DGKG: variants seen among roughly 807,000 people sequenced by gnomAD.
DGKG encodes DAG kinase gamma.
DGKG carries 78 observed loss-of-function variants against 105.3 expected under a neutral mutation model. The ratio of observed to expected loss-of-function variants is 0.74; its 90% confidence interval spans 0.62 to 0.89. DGKG has a LOEUF of 0.89. Ranked by LOEUF, DGKG falls within the 40% of genes least tolerant of loss-of-function variation. The pLI is 0.00. For missense variants in DGKG, 958 were observed against 1,020.1 expected (o/e 0.94, Z 0.83); for synonymous variants, 346 against 367.1 (o/e 0.94, Z 0.66).
rs546929373 is a variant in DGKG, at chr3:186,193,556, C to T, written c.1918-5177G>A. On this transcript the variant is annotated intron_variant, in intron 21 of 24. Transcript: ENST00000265022. Reference sequence around the variant, plus strand: ...CCAGGCTGGTAAGAGCCTTGGCAAGCGCACGCCTGCGTGCCCATTCTCCAG... The same window carrying T: ...CCAGGCTGGTAAGAGCCTTGGCAAGTGCACGCCTGCGTGCCCATTCTCCAG... Among the ~76,000 whole-genome samples, 7 of 152,366 alleles carry T rather than the reference C, an allele frequency of 4.6e-5. No individual in the cohort carries two copies. In the Middle Eastern group the frequency reaches 0.01, roughly 222 times the overall value.
intron 6 of DGKG, among the ~76,000 whole-genome samples, chr3:186,287,218 A>G (rs1723112293): frequency 1.3e-5 from 2 of 152,170 alleles, no homozygotes; most frequent in Non-Finnish European, 2.9e-5. Context: ...AATACTGACT[A>G]TTTGATAATA....
chr3:186,356,210 C>G (rs1025652762), intron 1 of DGKG, among the ~76,000 whole-genome samples: 1 of 152,112 alleles, frequency 6.6e-6, no homozygotes, highest in African/African-American at 2.4e-5. Context: ...CTCAGAATCC[C>G]ATAGTGTTCA....
rs200147504 is a variant in DGKG at position 186,265,262 on chromosome 3, G to A, written c.1254C>T (p.Gly418=). The A allele has an allele frequency of 3.3e-5, 54 of 1,614,214 alleles. No homozygotes were observed. The highest frequency in any genetic ancestry group is 5.0e-5 in the Admixed American group (3 of 60,034). The part of the protein sequence containing the change: ...EKSDGCVSAK[G]ELVMQYKIIP... ...CATGAGGTACCTGCATGACAAGTTC[G>A]CCCTTGGCGGACACGCAGCCATCAG... The change falls in exon 14 of 25, where the codon GGC becomes GGT. Residue 418 remains glycine (G), a synonymous_variant. Transcript: ENST00000265022.
chr3:186,292,744 G>A (rs1368762114), intron 5 of DGKG, among the ~76,000 whole-genome samples: 1 of 151,964 alleles, frequency 6.6e-6, no homozygotes, highest in Non-Finnish European at 1.5e-5. Flanking sequence ...GGAGGCAGAG[G>A]TTGCAGTGAA....
chr3:186,259,114 C>T (rs976010861), intron 16 of DGKG, among the ~76,000 whole-genome samples: 6 of 148,458 alleles, frequency 4.0e-5, no homozygotes, highest in East Asian at 1.9e-4. Context: ...CGGGACTCTC[C>T]GACGGGAAGT....
At chr3:186,193,752 C>T (rs1003454439) in intron 21 of DGKG, among the ~76,000 whole-genome samples, 35 of 152,252 alleles carry the variant, frequency 2.3e-4, no homozygotes, top group African/African-American at 8.4e-4. Context: ...GAGCTAAATC[C>T]TCCAACTGTT....
chr3:186,217,269 A>G (rs987574288), intron 20 of DGKG, among the ~76,000 whole-genome samples: 6 of 151,436 alleles, frequency 4.0e-5, no homozygotes, highest in African/African-American at 9.7e-5. Flanking sequence ...TTGGCCCACC[A>G]TTTTTTTTTC....
rs377459293 is a variant in DGKG, at chr3:186,265,959, T to C, written c.1210-653A>G. Among the ~76,000 whole-genome samples the C allele has an allele frequency of 6.6e-5, 10 of 152,290 alleles. 1 individual carries two copies. Among genetic ancestry groups the C allele is most frequent in the African/African-American group, 2.4e-4 (10 of 41,566 alleles). On this transcript the variant is annotated intron_variant, in intron 13 of 24. Transcript: ENST00000265022. Reference sequence around the variant, plus strand: ...TGCTGGGATTACAGGTGTAAGCCACTGCGCCTGGCCGTCGACTTGGCTTTT... The same window carrying C: ...TGCTGGGATTACAGGTGTAAGCCACCGCGCCTGGCCGTCGACTTGGCTTTT...
chr3:186,217,378 G>A (rs1484359481), intron 20 of DGKG, among the ~76,000 whole-genome samples: 1 of 152,024 alleles, frequency 6.6e-6, no homozygotes, highest in Non-Finnish European at 1.5e-5. Flanking sequence ...TCATTGTCAG[G>A]CTCTGAACTA....
At chr3:186,177,014 G>A (rs1451934156) in intron 22 of DGKG, among the ~76,000 whole-genome samples, 2 of 152,174 alleles carry the variant, frequency 1.3e-5, no homozygotes, top group African/African-American at 2.4e-5. Context: ...CACCTGTGTG[G>A]CAGTGTCCTC....
At chr3:186,251,700 C>T (rs1192299181) in intron 19 of DGKG, 59 bp downstream of exon 19, 1 of 1,597,654 alleles carries the variant, frequency 6.3e-7, no homozygotes, top group African/African-American at 1.3e-5. Context: ...CAACAGAAGG[C>T]TGGAACCCTT....
chr3:186,167,509 A>G (rs527930703), intron 22 of DGKG, among the ~76,000 whole-genome samples: 1 of 152,256 alleles, frequency 6.6e-6, no homozygotes, highest in East Asian at 1.9e-4. Context: ...TTCCTCTATC[A>G]CAGAGATACT....
chr3:186,303,317 C>T (rs950705085), intron 3 of DGKG, among the ~76,000 whole-genome samples: 46 of 152,280 alleles, frequency 3.0e-4, no homozygotes, highest in African/African-American at 8.7e-4. Context: ...GGCATGCTGG[C>T]AATTCTCTGA....
intron 21 of DGKG, among the ~76,000 whole-genome samples, chr3:186,198,840 C>T (rs928228540): frequency 3.3e-5 from 5 of 152,156 alleles, no homozygotes; most frequent in African/African-American, 7.2e-5. Flanking sequence ...ATCTGTTTTC[C>T]GCAGAGAAAA....
chr3:186,333,685 A>G (rs1368086771), intron 1 of DGKG, among the ~76,000 whole-genome samples: 1 of 152,186 alleles, frequency 6.6e-6, no homozygotes, highest in African/African-American at 2.4e-5. Context: ...CCAAGAAGGT[A>G]AGAAAATGAC....
chr3:186,230,962 A>C (rs192645389), intron 20 of DGKG, among the ~76,000 whole-genome samples: 1 of 152,180 alleles, frequency 6.6e-6, no homozygotes, highest in Non-Finnish European at 1.5e-5. Context: ...AGAGATTCCA[A>C]AACTACTCTC....
intron 1 of DGKG, among the ~76,000 whole-genome samples, chr3:186,330,002 G>A (rs79083574): frequency 0.014 from 2,125 of 152,270 alleles, 52 homozygotes; most frequent in African/African-American, 0.048. Context: ...CTAGAAAAAT[G>A]ATTCTCAACC....
intron 1 of DGKG, among the ~76,000 whole-genome samples, chr3:186,347,020 C>A (rs933373007): frequency 1.3e-5 from 2 of 151,902 alleles, no homozygotes; most frequent in East Asian, 3.9e-4. Flanking sequence ...ACTAATATCA[C>A]CCTCCTTTCT....
chr3:186,355,357 CCT>C (rs1330511316), intron 1 of DGKG, among the ~76,000 whole-genome samples: 5 of 92,488 alleles, frequency 5.4e-5, no homozygotes, highest in African/African-American at 2.4e-4. Context: ...CAACACTACT[CCT>C]ACCACCATGA....
Sources: gnomAD v4.1 joint callset for allele counts (sites outside exome capture counted in the v4.1 genomes callset) on GRCh38, gnomAD v4.1.1 for gene constraint, MANE v1.5 for transcripts, NCBI Gene and HGNC (gene_info 2026-07-23, HGNC 2026-07-21) for gene names.